XXYLT1: variants seen among roughly 807,000 people sequenced by gnomAD.
XXYLT1 encodes the protein UDP-xylose:alpha-xyloside alpha-1,3-xylosyltransferase.
In XXYLT1, 20 loss-of-function variants were observed where a neutral mutation model predicts 28.9. That is an observed-to-expected ratio of 0.69 (90% confidence interval 0.49 to 1.00). The LOEUF (loss-of-function observed/expected upper bound fraction) is 1.00, where lower values mean the gene tolerates loss of function less well. Ranked by LOEUF, XXYLT1 falls within the 50% of genes least tolerant of loss-of-function variation. The pLI is 0.00. For synonymous variants in XXYLT1, 257 were observed against 253.8 expected (o/e 1.01, Z -0.12); for missense variants, 542 against 560.1 (o/e 0.97, Z 0.33).
chr3:195,270,876 C>T lies in XXYLT1; in HGVS notation c.183G>A (p.Gly61=). Residue 61 remains glycine (G), a synonymous_variant, in exon 1 of 4, where the codon GGG becomes GGA. Transcript: ENST00000310380. ...ATKRLKEARA[G]APAAPSPPAL... ...CGGGCGGCGAGGGCGCGGCGGGAGC[C>T]CCGGCGCGGGCCTCCTTCAGCCTCT... 1.4e-6 allele frequency: 2 copies of T among 1,416,498 alleles called. No homozygotes were observed. The highest frequency in any genetic ancestry group is 1.8e-6 in the Non-Finnish European group (2 of 1,089,476). 87.7% of individuals were successfully genotyped at this position (1,416,498 alleles called of 1,614,324 possible).
At chr3:195,106,683 C>G (rs1176767335) in intron 3 of XXYLT1, among the ~76,000 whole-genome samples, 1 of 152,240 alleles carries the variant, frequency 6.6e-6, no homozygotes, top group Non-Finnish European at 1.5e-5. Flanking sequence ...AGCAAAGAAG[C>G]TGGGGTGGGG....
chr3:195,256,510 G>A lies in XXYLT1; in HGVS notation c.504+14045C>T. On this transcript the variant is annotated intron_variant, in intron 1 of 3. Transcript: ENST00000310380. The surrounding 1 kb of genome is among the most constrained non-coding windows in gnomAD (Gnocchi z 4.2). ...AGTCAGCACGGAAGCCTCACCTAGG[G>A]TCATTCCAGGGATTATCCCAGAAAG... 2 of 985,364 alleles carry A rather than the reference G, an allele frequency of 2.0e-6. No homozygotes were observed. Among genetic ancestry groups the A allele is most frequent in the Non-Finnish European group, 2.4e-6 (2 of 829,916 alleles). The allele number at this position is 985,364 out of a possible 1,614,324, so 61.0% of individuals were successfully genotyped here.
At chr3:195,100,789 G>A (rs966479326) in intron 3 of XXYLT1, among the ~76,000 whole-genome samples, 5 of 152,334 alleles carry the variant, frequency 3.3e-5, no homozygotes, top group African/African-American at 1.2e-4. Flanking sequence ...CTATGGTTGT[G>A]GGGTTTATAC....
intron 2 of XXYLT1, among the ~76,000 whole-genome samples, chr3:195,198,932 A>G (rs759163346): frequency 6.6e-6 from 1 of 152,222 alleles, no homozygotes; most frequent in African/African-American, 2.4e-5. Context: ...GCAAAAACCA[A>G]TTCTCAAGTT....
rs1180702834 is a variant in XXYLT1 at position 195,143,832 on chromosome 3, A to C, written c.785+12617T>G. ...TATATATAGATATAGATATATATAG[A>C]TATAGATATAGATATATATATAGAT... On this transcript the variant is annotated intron_variant, in intron 3 of 3. Transcript: ENST00000310380. Among the ~76,000 whole-genome samples, 35 of 85,050 alleles carry C rather than the reference A, an allele frequency of 4.1e-4. 1 individual carries two copies. The highest frequency in any genetic ancestry group is 1.4e-3 in the African/African-American group (28 of 20,208). 55.8% of individuals were successfully genotyped at this position (85,050 alleles called of 152,430 possible). A position where few individuals can be genotyped will look rare whatever the true frequency, so the allele number is the denominator to read the frequency against.
intron 3 of XXYLT1, among the ~76,000 whole-genome samples, chr3:195,088,089 G>A (rs1471918937): frequency 2.6e-5 from 4 of 151,984 alleles, no homozygotes; most frequent in Non-Finnish European, 5.9e-5. Flanking sequence ...AAACTGCAAG[G>A]TGGCAGCGAG....
Position 195,232,171 on chromosome 3 carries a change from A to G in XXYLT1, c.505-5315T>C, listed in dbSNP as rs1384773867. ...TCTAGGTTTTCCAATTTATTGGTAT[A>G]TAGTTGTTCACAGTAGCCACTAATG... On this transcript the variant is annotated intron_variant, in intron 1 of 3. Transcript: ENST00000310380. 2.0e-5 allele frequency among the ~76,000 whole-genome samples: 3 copies of G among 152,124 alleles called. No homozygotes were observed. In the East Asian group the frequency reaches 5.8e-4, roughly 29 times the overall value.
intron 3 of XXYLT1, among the ~76,000 whole-genome samples, chr3:195,109,375 G>A (rs1265952363): frequency 6.7e-6 from 1 of 149,394 alleles, no homozygotes; most frequent in African/African-American, 2.5e-5. Context: ...TGTGGCATGT[G>A]TGTAGTGTAT....
intron 1 of XXYLT1, among the ~76,000 whole-genome samples, chr3:195,228,988 C>G (rs529990090): frequency 6.6e-6 from 1 of 151,538 alleles, no homozygotes; most frequent in Non-Finnish European, 1.5e-5. Context: ...AATTCTTCTA[C>G]TTTTAGTAGA....
chr3:195,268,793 T>TG (rs1263210024), intron 1 of XXYLT1, among the ~76,000 whole-genome samples: 2 of 152,068 alleles, frequency 1.3e-5, no homozygotes, highest in African/African-American at 4.8e-5. Flanking sequence ...CCCAGTAAAG[T>TG]GGGGTAGTCC....
At chr3:195,134,079 A>G (rs1019848282) in intron 3 of XXYLT1, among the ~76,000 whole-genome samples, 2 of 152,168 alleles carry the variant, frequency 1.3e-5, no homozygotes, top group African/African-American at 4.8e-5. Flanking sequence ...GAAAGAAAGA[A>G]AGAAATTTTT....
At chr3:195,083,767 G>A (rs932022929) in intron 3 of XXYLT1, among the ~76,000 whole-genome samples, 2 of 152,106 alleles carry the variant, frequency 1.3e-5, no homozygotes, top group East Asian at 1.9e-4. Flanking sequence ...GGCTCATGCC[G>A]CTAATCCCAG....
chr3:195,185,486 G>C (rs574241009), intron 2 of XXYLT1, among the ~76,000 whole-genome samples: 1 of 147,390 alleles, frequency 6.8e-6, no homozygotes, highest in African/African-American at 2.5e-5. Flanking sequence ...CTTTGGTCCA[G>C]AGAGGTTTAG....
chr3:195,175,530 G>A, intron 2 of XXYLT1: 1 of 1,517,914 alleles, frequency 6.6e-7, no homozygotes, highest in Non-Finnish European at 8.8e-7. Flanking sequence ...CCCATGGGCT[G>A]TTCAGATGGA....
At chr3:195,244,973 C>T (rs1372173382) in intron 1 of XXYLT1, among the ~76,000 whole-genome samples, 1 of 150,400 alleles carries the variant, frequency 6.6e-6, no homozygotes, top group African/African-American at 2.4e-5. Context: ...CAAGACCAGC[C>T]TGACCAACAT....
chr3:195,251,732 G>T (rs534078723), intron 1 of XXYLT1, among the ~76,000 whole-genome samples: 7 of 152,278 alleles, frequency 4.6e-5, no homozygotes, highest in African/African-American at 1.7e-4. Context: ...CTGCCTCAAA[G>T]GCAGCAAGAC....
At chr3:195,088,220 C>G (rs1027653292) in intron 3 of XXYLT1, among the ~76,000 whole-genome samples, 1 of 151,582 alleles carries the variant, frequency 6.6e-6, no homozygotes, top group Admixed American at 6.6e-5. Flanking sequence ...GTAGGCTCCA[C>G]CTCTGGGGGC....
At chr3:195,105,200 A>C (rs1441086384) in intron 3 of XXYLT1, among the ~76,000 whole-genome samples, 2 of 152,260 alleles carry the variant, frequency 1.3e-5, no homozygotes, top group African/African-American at 4.8e-5. Context: ...AAAGAGGTGA[A>C]TGTCAAGGGG....
intron 1 of XXYLT1, among the ~76,000 whole-genome samples, chr3:195,232,352 C>T (rs1724339161): frequency 1.3e-5 from 2 of 151,406 alleles, no homozygotes; most frequent in South Asian, 2.1e-4. Context: ...TTTCATTGAT[C>T]TTTTGTATTG....
Sources: allele counts gnomAD v4.1 joint callset (sites outside exome capture counted in the v4.1 genomes callset), GRCh38; gene constraint gnomAD v4.1.1; non-coding constraint Gnocchi (gnomAD v3.1); transcripts MANE v1.5; gene names NCBI Gene and HGNC (gene_info 2026-07-23, HGNC 2026-07-21).